KAT2B: variants seen among roughly 807,000 people sequenced by gnomAD.
KAT2B encodes the protein lysine acetyltransferase 2B.
Under a neutral mutation model 105.9 loss-of-function variants are expected in KAT2B, and 36 were observed. The observed-to-expected ratio is 0.34, with a 90% CI of 0.26 to 0.45. KAT2B has a LOEUF of 0.45. Ranked by LOEUF, KAT2B falls within the 20% of genes least tolerant of loss-of-function variation. KAT2B has a pLI of 1.00. For synonymous variants in KAT2B, 397 were observed against 377.9 expected, an observed-to-expected ratio of 1.05 and a Z score of -0.59; for missense variants, 820 against 1,021.6, an observed-to-expected ratio of 0.80 and a Z score of 2.69.
chr3:20,117,400 A>G (rs548122938), intron 7 of KAT2B, among the ~76,000 whole-genome samples: 1 of 152,190 alleles, frequency 6.6e-6, no homozygotes, highest in Non-Finnish European at 1.5e-5. Context: ...TATCGATGCA[A>G]CTGTGATAAA....
chr3:20,093,670 G>A (rs1427734887), intron 2 of KAT2B, among the ~76,000 whole-genome samples: 2 of 152,086 alleles, frequency 1.3e-5, no homozygotes, highest in Non-Finnish European at 2.9e-5. Context: ...TTAAAAGAAC[G>A]AGGAAAAATC....
intron 13 of KAT2B, among the ~76,000 whole-genome samples, chr3:20,144,276 CTTTTTTTTTTTTTT>C (rs761735374): frequency 8.4e-4 from 75 of 89,372 alleles, no homozygotes; most frequent in African/African-American, 1.1e-3. Context: ...CCTTGGGATT[CTTTTTTTTTTTTTT>C]TTTTTTTTTT....
intron 2 of KAT2B, among the ~76,000 whole-genome samples, chr3:20,092,183 CTAT>C: frequency 6.6e-6 from 1 of 151,620 alleles, no homozygotes; most frequent in Middle Eastern, 3.4e-3. Context: ...AAGTCCCCTA[CTAT>C]TATTGTATTT....
chr3:20,046,230 G>A (rs191900055), intron 1 of KAT2B, among the ~76,000 whole-genome samples: 18 of 152,246 alleles, frequency 1.2e-4, no homozygotes, highest in Admixed American at 3.9e-4. Flanking sequence ...TTGGGTTCTC[G>A]GCAAGGTGCC....
chr3:20,108,302 C>A (rs1699058972), intron 5 of KAT2B, among the ~76,000 whole-genome samples: 1 of 152,128 alleles, frequency 6.6e-6, no homozygotes, highest in Non-Finnish European at 1.5e-5. Flanking sequence ...AGCCACATTT[C>A]AAGTGCTCAA....
At chr3:20,099,281 T>C (rs953375565) in intron 3 of KAT2B, among the ~76,000 whole-genome samples, 1 of 152,192 alleles carries the variant, frequency 6.6e-6, no homozygotes. Context: ...ACAGTGAAAG[T>C]TGCCCATTTA....
chr3:20,062,245 A>AT (rs1698139693), intron 1 of KAT2B, among the ~76,000 whole-genome samples: 1 of 26,564 alleles, frequency 3.8e-5, no homozygotes, highest in Non-Finnish European at 6.3e-5. Flanking sequence ...TAAAATATAT[A>AT]ATATATAAAA....
In KAT2B at chr3:20,146,316, A is replaced by G; in HGVS notation, c.2005A>G (p.Ile669Val). ...CACATTTCCTTCCTGTGCTTTACAG[A>G]TAATTAAAAAACTGATTGAAAGAAA... ...FSVIIKKQKE[I>V]IKKLIERKQA... Residue 669 changes from isoleucine (I) to valine (V), a missense_variant and splice_region_variant, in exon 14 of 18, where the codon ATA (isoleucine) becomes GTA (valine). By Grantham distance (29) the Ile-to-Val change is conservative. Around this residue, in one of 6 missense-constraint regions of KAT2B, gnomAD observed 227 missense variants for 292.9 expected, o/e 0.77. Transcript: ENST00000263754. 6.4e-7 allele frequency: 1 copy of G among 1,561,062 alleles called. No homozygotes were observed. The highest frequency in any genetic ancestry group is 8.8e-7 in the Non-Finnish European group (1 of 1,132,124).
chr3:20,137,930 C>G (rs976774937), intron 12 of KAT2B, among the ~76,000 whole-genome samples: 17 of 152,156 alleles, frequency 1.1e-4, no homozygotes, highest in African/African-American at 4.1e-4. Flanking sequence ...TTGCTGTGCT[C>G]AGGAGTTTGA....
intron 7 of KAT2B, 125 bp from the exon 8 acceptor site, chr3:20,119,473 T>C: frequency 3.3e-6 from 3 of 900,688 alleles, no homozygotes; most frequent in East Asian, 2.5e-5. Context: ...TTGTGGCTTA[T>C]GTTTTAAAGA....
intron 2 of KAT2B, among the ~76,000 whole-genome samples, chr3:20,081,752 CTT>C (rs951862589): frequency 2.6e-4 from 39 of 152,034 alleles, no homozygotes; most frequent in South Asian, 1.0e-3. Flanking sequence ...TGTAAAAACA[CTT>C]TTAATTTGCA....
chr3:20,149,912 T>C (rs926500497), intron 17 of KAT2B, among the ~76,000 whole-genome samples: 2 of 152,242 alleles, frequency 1.3e-5, no homozygotes, highest in African/African-American at 4.8e-5. Context: ...TCTCAGCTTC[T>C]TTTGGGAAAC....
intron 1 of KAT2B, among the ~76,000 whole-genome samples, chr3:20,047,543 C>T (rs1463794379): frequency 6.6e-6 from 1 of 151,732 alleles, no homozygotes; most frequent in African/African-American, 2.4e-5. Flanking sequence ...GTTGTGCATC[C>T]ATCACCACAA....
chr3:20,064,182 G>A (rs1237179696), intron 1 of KAT2B, among the ~76,000 whole-genome samples: 1 of 152,032 alleles, frequency 6.6e-6, no homozygotes, highest in Non-Finnish European at 1.5e-5. Context: ...GTTATTGTCA[G>A]CTCCTTTTGA....
chr3:20,064,927 C>G (rs545654310), intron 1 of KAT2B, among the ~76,000 whole-genome samples: 4 of 152,308 alleles, frequency 2.6e-5, no homozygotes, highest in Admixed American at 2.0e-4. Context: ...TCCTGTTCCT[C>G]TGGATGCCAC....
intron 11 of KAT2B, among the ~76,000 whole-genome samples, chr3:20,129,537 G>A (rs940730791): frequency 3.3e-5 from 5 of 151,860 alleles, no homozygotes; most frequent in East Asian, 1.9e-4. Context: ...CACCATGCCC[G>A]GCCAATTTTT....
chr3:20,104,590 G>A (rs1698966422), intron 5 of KAT2B, among the ~76,000 whole-genome samples: 1 of 152,122 alleles, frequency 6.6e-6, no homozygotes, highest in Non-Finnish European at 1.5e-5. Flanking sequence ...TCTTGATGTT[G>A]CTGTAAGAGA....
Position 20,122,648 on chromosome 3 carries a change from T to C in KAT2B, c.1277-20T>C. 3.7e-6 allele frequency: 6 copies of C among 1,604,694 alleles called. No individual in the cohort carries two copies. The highest frequency in any genetic ancestry group is 5.1e-6 in the Non-Finnish European group (6 of 1,173,674). On this transcript the variant is annotated intron_variant, in intron 8 of 17. Transcript: ENST00000263754. The stretch of plus-strand genomic sequence containing the variant: ...TGTTTAGAACCACCCATTGTTTGCC[T>C]TTTATTTTGATCATCATAGGAGAAA...
Position 20,114,004 on chromosome 3 carries a change from T to C in KAT2B, c.1044-878T>C, listed in dbSNP as rs1049757719. ...TATTTTTAGTGCTTTTAGTTATTTCTGTTTTTCTCCCATTTATTGGTGAAA... is the reference window on the plus strand; with the variant it reads ...TATTTTTAGTGCTTTTAGTTATTTCCGTTTTTCTCCCATTTATTGGTGAAA... On this transcript the variant is annotated intron_variant, in intron 6 of 17. Transcript: ENST00000263754. Among the ~76,000 whole-genome samples the C allele has an allele frequency of 7.2e-5, 11 of 152,210 alleles. 1 individual carries two copies. The highest frequency in any genetic ancestry group is 6.5e-5 in the Admixed American group (1 of 15,270).
Sources: gnomAD v4.1 joint callset for allele counts (sites outside exome capture counted in the v4.1 genomes callset) on GRCh38, gnomAD v4.1.1 for gene constraint, gnomAD v4.1.1 regional missense constraint, MANE v1.5 for transcripts, NCBI Gene and HGNC (gene_info 2026-07-23, HGNC 2026-07-21) for gene names.